NAALADL2: variants seen among roughly 807,000 people sequenced by gnomAD.
NAALADL2 encodes the protein inactive N-acetylated-alpha-linked acidic dipeptidase-like protein 2.
A neutral mutation model predicts 87.2 loss-of-function variants in NAALADL2; 76 were observed. That is an observed-to-expected ratio of 0.87 (90% confidence interval 0.72 to 1.05). NAALADL2 has a LOEUF of 1.05. Ranked by LOEUF, NAALADL2 falls within the 50% of genes least tolerant of loss-of-function variation. The pLI is 0.00. For synonymous variants in NAALADL2, 354 were observed against 331.0 expected, an observed-to-expected ratio of 1.07 and a Z score of -0.75; for missense variants, 1,089 against 945.8, an observed-to-expected ratio of 1.15 and a Z score of -1.99.
At chr3:175,060,347 C>T (rs577052763) in intron 1 of NAALADL2, among the ~76,000 whole-genome samples, 10 of 152,112 alleles carry the variant, frequency 6.6e-5, no homozygotes, top group Non-Finnish European at 1.5e-4. Flanking sequence ...GAATTTCATC[C>T]ACATGTTCCA....
chr3:175,540,885 T>G (rs1712199579), intron 9 of NAALADL2, among the ~76,000 whole-genome samples: 1 of 152,170 alleles, frequency 6.6e-6, no homozygotes, highest in African/African-American at 2.4e-5. Context: ...AAAGATTTCT[T>G]TAGAAAGAAA....
intron 1 of NAALADL2, among the ~76,000 whole-genome samples, chr3:175,082,393 AT>A (rs1214122227): frequency 6.6e-6 from 1 of 152,226 alleles, no homozygotes; most frequent in Non-Finnish European, 1.5e-5. Flanking sequence ...TATGCAACTA[AT>A]TTGACTATCA....
intron 12 of NAALADL2, among the ~76,000 whole-genome samples, chr3:175,752,348 A>G (rs974095214): frequency 3.3e-5 from 5 of 152,126 alleles, no homozygotes; most frequent in Non-Finnish European, 2.9e-5. Context: ...ATGGCAGTGA[A>G]TAAAAGACAC....
chr3:175,366,064 T>G (rs368733856), intron 5 of NAALADL2, among the ~76,000 whole-genome samples: 1 of 117,886 alleles, frequency 8.5e-6, no homozygotes, highest in Admixed American at 1.1e-4. Context: ...TGTGTCCATG[T>G]GTTCTCATTG....
intron 11 of NAALADL2, among the ~76,000 whole-genome samples, chr3:175,694,118 T>G (rs1560986747): frequency 1.3e-5 from 2 of 152,210 alleles, no homozygotes; most frequent in Non-Finnish European, 2.9e-5. Flanking sequence ...CATTAATTTG[T>G]TTTTATGGCA....
intron 1 of NAALADL2, among the ~76,000 whole-genome samples, chr3:174,513,948 T>C (rs541140591): frequency 6.6e-6 from 1 of 152,270 alleles, no homozygotes; most frequent in East Asian, 1.9e-4. Context: ...CTTCTTTTTC[T>C]CTCTCTCTTC....
intron 1 of NAALADL2, among the ~76,000 whole-genome samples, chr3:174,882,514 T>C (rs989774672): frequency 2.7e-5 from 4 of 149,976 alleles, no homozygotes; most frequent in Non-Finnish European, 5.9e-5. Flanking sequence ...TGTATATACA[T>C]ATGTGCATAT....
rs555228219 is a variant in NAALADL2, at chr3:174,974,323, C to T, written c.43+114873C>T. Among the ~76,000 whole-genome samples the T allele has an allele frequency of 3.9e-5, 6 of 152,244 alleles. No homozygotes were observed. The East Asian group carries it at 1.2e-3, about 29-fold the overall frequency. ...TATGACTTTTAGAGTGAGACTTATA[C>T]AATTTTCTTTTAATTGTTTTAATTT... is the stretch of plus-strand genomic sequence containing the variant. On this transcript the variant is annotated intron_variant, in intron 1 of 13. Transcript: ENST00000454872.
intron 1 of NAALADL2, among the ~76,000 whole-genome samples, chr3:174,873,117 G>A (rs1001706380): frequency 1.3e-5 from 2 of 151,990 alleles, no homozygotes; most frequent in African/African-American, 4.8e-5. Context: ...CCCTAATAGT[G>A]GCTCTAGATG....
intron 2 of NAALADL2, among the ~76,000 whole-genome samples, chr3:175,139,191 A>G (rs998809753): frequency 5.3e-5 from 8 of 151,748 alleles, no homozygotes; most frequent in South Asian, 4.1e-4. Context: ...GACATAAACT[A>G]TGATATTACC....
chr3:174,491,268 A>T (rs79462777), intron 1 of NAALADL2, among the ~76,000 whole-genome samples: 3,068 of 152,230 alleles, frequency 0.02, 88 homozygotes, highest in African/African-American at 0.067. Context: ...ACTGCAGGCC[A>T]TGATTATATA....
intron 13 of NAALADL2, among the ~76,000 whole-genome samples, chr3:175,765,965 C>G (rs1363440352): frequency 6.6e-6 from 1 of 152,086 alleles, no homozygotes; most frequent in African/African-American, 2.4e-5. Context: ...ACTCTTTCTA[C>G]TAGACAATAC....
rs1369927745 is a variant in NAALADL2 at position 175,399,726 on chromosome 3, C to T, written c.1091-47503C>T. On this transcript the variant is annotated intron_variant, in intron 5 of 13. Coordinates refer to ENST00000454872, the MANE Select transcript of NAALADL2 (RefSeq NM_207015.3). ...GACCTGTATCTTTTGCCGACCTCCT[C>T]TCTCACCCTGTGACTTAGAATGTTT... Among the ~76,000 whole-genome samples the T allele has an allele frequency of 2.0e-5, 3 of 152,210 alleles. No homozygotes were observed. In the South Asian group the frequency reaches 6.2e-4, roughly 32 times the overall value.
intron 3 of NAALADL2, among the ~76,000 whole-genome samples, chr3:174,782,846 A>G (rs1406097021): frequency 6.6e-6 from 1 of 152,110 alleles, no homozygotes; most frequent in East Asian, 1.9e-4. Flanking sequence ...CGCCCCCATG[A>G]TTCAATTACC....
intron 2 of NAALADL2, among the ~76,000 whole-genome samples, chr3:174,586,580 T>C (rs546653440): frequency 2.6e-5 from 4 of 152,348 alleles, no homozygotes; most frequent in African/African-American, 9.6e-5. Flanking sequence ...ATGTAATTTA[T>C]GTAGCACTTT....
At chr3:174,988,819 T>A (rs112981925) in intron 1 of NAALADL2, among the ~76,000 whole-genome samples, 3 of 152,362 alleles carry the variant, frequency 2.0e-5, no homozygotes, top group African/African-American at 7.2e-5. Flanking sequence ...TAATTAGATC[T>A]GTAATGACCC....
chr3:175,309,086 T>C (rs1758035103), intron 4 of NAALADL2, among the ~76,000 whole-genome samples: 1 of 152,234 alleles, frequency 6.6e-6, no homozygotes, highest in African/African-American at 2.4e-5. Flanking sequence ...AAATTACATC[T>C]CTGTGAAATA....
At chr3:175,216,136 T>C (rs958091704) in intron 2 of NAALADL2, among the ~76,000 whole-genome samples, 5 of 152,210 alleles carry the variant, frequency 3.3e-5, no homozygotes, top group African/African-American at 1.2e-4. Flanking sequence ...TGTAAAATTC[T>C]TTTGTGATTT....
intron 13 of NAALADL2, among the ~76,000 whole-genome samples, chr3:175,763,734 A>G (rs995902586): frequency 6.6e-6 from 1 of 152,206 alleles, no homozygotes; most frequent in African/African-American, 2.4e-5. Context: ...ATACATTAAG[A>G]GGGCACATCT....
Sources: gnomAD v4.1 joint callset for allele counts (sites outside exome capture counted in the v4.1 genomes callset) on GRCh38, gnomAD v4.1.1 for gene constraint, MANE v1.5 for transcripts, NCBI Gene and HGNC (gene_info 2026-07-23, HGNC 2026-07-21) for gene names.